The following EXOC6B variants were observed in gnomAD, a reference collection of about 807,000 sequenced individuals.
EXOC6B encodes the protein exocyst complex component 6B.
A neutral mutation model predicts 113.5 loss-of-function variants in EXOC6B; 54 were observed. The ratio of observed to expected loss-of-function variants is 0.48; its 90% CI spans 0.38 to 0.60. The LOEUF (loss-of-function observed/expected upper bound fraction) is 0.60. Among genes scored for constraint, EXOC6B ranks in the 20% least tolerant of loss-of-function variants. The pLI is 0.00. For synonymous variants in EXOC6B, 357 were observed against 339.0 expected (o/e 1.05, Z -0.58); for missense variants, 797 against 977.5 (o/e 0.82, Z 2.46).
intron 15 of EXOC6B, among the ~76,000 whole-genome samples, chr2:72,492,717 T>C (rs1699815142): frequency 1.3e-5 from 2 of 152,112 alleles, no homozygotes; most frequent in South Asian, 4.2e-4. Flanking sequence ...CCATTTTCTC[T>C]GGCTTGCATA....
chr2:72,479,144 A>G (rs573829397), intron 17 of EXOC6B, among the ~76,000 whole-genome samples: 2 of 152,326 alleles, frequency 1.3e-5, no homozygotes, highest in South Asian at 4.1e-4. Context: ...TTAGTAAGTC[A>G]TGATATGAAC....
chr2:72,514,827 G>A, intron 9 of EXOC6B, 147 bp from the exon 10 acceptor site: 2 of 647,904 alleles, frequency 3.1e-6, no homozygotes, highest in African/African-American at 1.8e-5. Flanking sequence ...CCAATGAAGA[G>A]GAAATATGAC....
intron 16 of EXOC6B, among the ~76,000 whole-genome samples, chr2:72,488,549 A>G (rs1050139902): frequency 6.6e-6 from 1 of 152,152 alleles, no homozygotes; most frequent in Non-Finnish European, 1.5e-5. Context: ...TCTCACAGCA[A>G]ATTTAGCTCT....
intron 19 of EXOC6B, 106 bp from the exon 20 acceptor site, chr2:72,335,126 C>G: frequency 1.0e-6 from 1 of 1,004,310 alleles, no homozygotes; most frequent in Non-Finnish European, 1.6e-6. Context: ...AGAGGAGGAC[C>G]AAGCTTCTAA....
At chr2:72,733,780 G>A (rs1485274125) in intron 2 of EXOC6B, among the ~76,000 whole-genome samples, 1 of 152,062 alleles carries the variant, frequency 6.6e-6, no homozygotes, top group Non-Finnish European at 1.5e-5. Flanking sequence ...AATTATATAG[G>A]ATAGTAATTT....
chr2:72,468,103 GTTGA>G (rs1247159826), intron 17 of EXOC6B, among the ~76,000 whole-genome samples: 2 of 151,968 alleles, frequency 1.3e-5, no homozygotes, highest in African/African-American at 4.8e-5. Flanking sequence ...TCCTTCAACT[GTTGA>G]TTGTTTTCTT....
At chr2:72,266,580 T>C (rs546150522) in intron 20 of EXOC6B, among the ~76,000 whole-genome samples, 229 of 152,176 alleles carry the variant, frequency 1.5e-3, no homozygotes, top group African/African-American at 5.0e-3. Flanking sequence ...TGCGGTGTTA[T>C]TTCTGAGGGC....
At chr2:72,467,290 A>T (rs1215048341) in intron 17 of EXOC6B, among the ~76,000 whole-genome samples, 1 of 152,228 alleles carries the variant, frequency 6.6e-6, no homozygotes, top group Non-Finnish European at 1.5e-5. Context: ...TGTTACAATG[A>T]ACATAAAAGT....
At chr2:72,622,442 G>A (rs1458568770) in intron 6 of EXOC6B, among the ~76,000 whole-genome samples, 4 of 152,162 alleles carry the variant, frequency 2.6e-5, no homozygotes, top group Non-Finnish European at 5.9e-5. Context: ...GGCTGGGCAC[G>A]GTGGCTCACG....
intron 6 of EXOC6B, among the ~76,000 whole-genome samples, chr2:72,681,544 A>G (rs773099659): frequency 1.3e-5 from 2 of 152,224 alleles, no homozygotes; most frequent in Non-Finnish European, 2.9e-5. Context: ...AGTTTATAGC[A>G]GCTCTTAGCC....
At chr2:72,565,349 T>TTAAA (rs749354601) in intron 7 of EXOC6B, among the ~76,000 whole-genome samples, 1 of 45,158 alleles carries the variant, frequency 2.2e-5, no homozygotes, top group Non-Finnish European at 4.0e-5. Context: ...AGACCCTGTC[T>TTAAA]AAAAAAAAAA....
At chr2:72,302,331 G>T (rs368051440) in intron 20 of EXOC6B, among the ~76,000 whole-genome samples, 1 of 152,150 alleles carries the variant, frequency 6.6e-6, no homozygotes, top group East Asian at 1.9e-4. Flanking sequence ...TTCGGGGGGA[G>T]AATTTTGTAG....
intron 8 of EXOC6B, among the ~76,000 whole-genome samples, chr2:72,540,198 T>C (rs1461725047): frequency 6.6e-6 from 1 of 152,066 alleles, no homozygotes; most frequent in Non-Finnish European, 1.5e-5. Flanking sequence ...TCTATCATTG[T>C]TGGACATTTG....
intron 1 of EXOC6B, among the ~76,000 whole-genome samples, chr2:72,753,822 G>A (rs1433375979): frequency 3.3e-5 from 5 of 152,030 alleles, no homozygotes; most frequent in Non-Finnish European, 7.4e-5. Flanking sequence ...CACTTCTCTG[G>A]CAAATTCCTA....
intron 6 of EXOC6B, among the ~76,000 whole-genome samples, chr2:72,650,032 G>C (rs568730357): frequency 4.6e-5 from 7 of 152,214 alleles, no homozygotes; most frequent in Non-Finnish European, 8.8e-5. Flanking sequence ...ACTGGGCGCG[G>C]GGCACGACAT....
chr2:72,710,397 A>C (rs982596503), intron 6 of EXOC6B, among the ~76,000 whole-genome samples: 2 of 152,162 alleles, frequency 1.3e-5, no homozygotes, highest in Non-Finnish European at 2.9e-5. Context: ...TATGTAATAC[A>C]AGTAATTTTT....
At chr2:72,270,444 A>G (rs1684412542) in intron 20 of EXOC6B, among the ~76,000 whole-genome samples, 2 of 152,186 alleles carry the variant, frequency 1.3e-5, no homozygotes, top group Admixed American at 1.3e-4. Flanking sequence ...TCCTCCAAAT[A>G]TCAATAAGCA....
chr2:72,818,030 G>A (rs1164101385), intron 1 of EXOC6B, among the ~76,000 whole-genome samples: 1 of 152,032 alleles, frequency 6.6e-6, no homozygotes, highest in Non-Finnish European at 1.5e-5. Flanking sequence ...GGAGTTCAGT[G>A]GTGCGATCTC....
intron 5 of EXOC6B, among the ~76,000 whole-genome samples, chr2:72,727,479 T>C (rs1193433945): frequency 6.6e-6 from 1 of 152,126 alleles, no homozygotes; most frequent in Non-Finnish European, 1.5e-5. Context: ...AAAAGCAACA[T>C]GTGATTTGAA....
Sources: gnomAD v4.1 joint callset for allele counts (sites outside exome capture counted in the v4.1 genomes callset) on GRCh38, gnomAD v4.1.1 for gene constraint, MANE v1.5 for transcripts, NCBI Gene and HGNC (gene_info 2026-07-23, HGNC 2026-07-21) for gene names.